Variants in DGCR2 observed in about 807,000 individuals in gnomAD.
DGCR2 encodes DiGeorge syndrome critical region gene 2, also known as integral membrane protein DGCR2/IDD.
In DGCR2, 24 loss-of-function variants were observed where a neutral mutation model predicts 51.6. The observed-to-expected ratio is 0.47, with a 90% confidence interval of 0.34 to 0.65. DGCR2 has a LOEUF of 0.65. Ranked by LOEUF, DGCR2 falls within the 30% of genes least tolerant of loss-of-function variation. The pLI is 0.01. For synonymous variants in DGCR2, 340 were observed against 315.4 expected, an observed-to-expected ratio of 1.08 and a Z score of -0.82; for missense variants, 765 against 772.1, an observed-to-expected ratio of 0.99 and a Z score of 0.11.
At chr22:19,116,530 G>A (rs902764303) in intron 1 of DGCR2, among the ~76,000 whole-genome samples, 12 of 152,132 alleles carry the variant, frequency 7.9e-5, no homozygotes, top group African/African-American at 2.2e-4. Flanking sequence ...CTGGTCTCTC[G>A]GGATTACCGA....
chr22:19,062,779 A>ATTCTTTCTCTCTCTCTCT, intron 5 of DGCR2, among the ~76,000 whole-genome samples: 2 of 127,354 alleles, frequency 1.6e-5, no homozygotes, highest in Admixed American at 7.8e-5. Context: ...ATGCATGCTC[A>ATTCTTTCTCTCTCTCTCT]CTCTCTCTCT....
intron 2 of DGCR2, among the ~76,000 whole-genome samples, chr22:19,073,801 A>G (rs1172633648): frequency 1.3e-5 from 2 of 152,236 alleles, no homozygotes; most frequent in East Asian, 3.8e-4. Context: ...CCTTTTCCAC[A>G]TAAGTGGGGC....
intron 2 of DGCR2, among the ~76,000 whole-genome samples, chr22:19,084,929 T>C (rs1349183433): frequency 6.6e-6 from 1 of 152,074 alleles, no homozygotes; most frequent in African/African-American, 2.4e-5. Flanking sequence ...CTGGGAGGTG[T>C]ACCCAACAGC....
intron 1 of DGCR2, among the ~76,000 whole-genome samples, chr22:19,106,538 G>A (rs1037556365): frequency 7.9e-5 from 12 of 152,204 alleles, no homozygotes; most frequent in African/African-American, 2.9e-4. Context: ...GGAGCCCAGA[G>A]GCCAGCCGGC....
At chr22:19,041,429 C>T (rs2521192) in intron 8 of DGCR2, 135 bp from the exon 9 acceptor site, 4 of 792,244 alleles carry the variant, frequency 5.0e-6, no homozygotes, top group East Asian at 5.4e-5. Context: ...GCCTACCCCT[C>T]GGCCACATTC....
At chr22:19,113,924 T>A (rs2083344811) in intron 1 of DGCR2, among the ~76,000 whole-genome samples, 1 of 152,000 alleles carries the variant, frequency 6.6e-6, no homozygotes, top group Non-Finnish European at 1.5e-5. Context: ...CCGGGCATGG[T>A]GGCAGACGCC....
chr22:19,040,470 C>T (rs1337827749), intron 9 of DGCR2, among the ~76,000 whole-genome samples: 1 of 152,194 alleles, frequency 6.6e-6, no homozygotes, highest in Non-Finnish European at 1.5e-5. Flanking sequence ...ACCTGCACTG[C>T]TCAACAGAGA....
intron 6 of DGCR2, 132 bp from the exon 7 acceptor site, chr22:19,048,775 G>A: frequency 1.2e-6 from 1 of 859,658 alleles, no homozygotes; most frequent in Non-Finnish European, 1.9e-6. Context: ...CTTAGAATGG[G>A]AAGGAGGCAG....
At chr22:19,080,489 C>G (rs1460230094) in intron 2 of DGCR2, among the ~76,000 whole-genome samples, 1 of 152,182 alleles carries the variant, frequency 6.6e-6, no homozygotes, top group Non-Finnish European at 1.5e-5. Context: ...GCACATCTTC[C>G]TTCAAAACAG....
chr22:19,075,739 T>C (rs756784517), intron 2 of DGCR2, among the ~76,000 whole-genome samples: 4 of 152,236 alleles, frequency 2.6e-5, no homozygotes, highest in Non-Finnish European at 5.9e-5. Context: ...AGTCCATCCA[T>C]GCTGTAGCAT....
intron 5 of DGCR2, 75 bp downstream of exon 5, chr22:19,063,127 G>A: frequency 7.1e-7 from 1 of 1,405,068 alleles, no homozygotes; most frequent in Non-Finnish European, 1.0e-6. Context: ...CACTGGGTAA[G>A]AGGGAGGAGG....
At chr22:19,078,375 T>C (rs776229575) in intron 2 of DGCR2, among the ~76,000 whole-genome samples, 6 of 152,384 alleles carry the variant, frequency 3.9e-5, no homozygotes, top group Non-Finnish European at 8.8e-5. Flanking sequence ...GCTGAGTTAG[T>C]GTACATAAAT....
chr22:19,083,672 T>G (rs1366091253), intron 2 of DGCR2, among the ~76,000 whole-genome samples: 1 of 146,970 alleles, frequency 6.8e-6, no homozygotes, highest in Non-Finnish European at 1.5e-5. Flanking sequence ...CAAAGATGGT[T>G]CCCCTCTCCC....
At chr22:19,045,472 T>C (rs1232926237) in intron 7 of DGCR2, 1 of 152,284 alleles carries the variant, frequency 6.6e-6, no homozygotes, top group Non-Finnish European at 1.5e-5. Context: ...GATACCACAC[T>C]GTTGTGATTA....
At position 19,057,055 on chromosome 22, in the gene DGCR2, G is replaced by A. The variant is rs369022238; in HGVS notation, c.733C>T (p.Arg245Trp). The A allele has an allele frequency of 1.2e-5, 19 of 1,598,818 alleles. No homozygotes were observed. Among genetic ancestry groups the A allele is most frequent in the Admixed American group, 1.8e-5 (1 of 57,112 alleles). ...QLQCFHFPTL[R>W]HHDLHSWHAE... ...TGCCAGCTGTGGAGGTCGTGGTGCC[G>A]CAGGGTGGGGAAATGGAAGCACTGA... The change falls in exon 6 of 10, where the codon CGG (arginine) becomes TGG (tryptophan). Residue 245 changes from arginine (R) to tryptophan (W), a missense_variant. Arg to Trp is a moderately radical substitution (Grantham distance 101). Coordinates refer to ENST00000263196, the MANE Select transcript of DGCR2 (RefSeq NM_005137.3). This position sits in a 1 kb window ranked among gnomAD's most constrained non-coding sequence, Gnocchi z 5.1.
intron 9 of DGCR2, among the ~76,000 whole-genome samples, chr22:19,040,022 T>G (rs575412199): frequency 2.0e-5 from 3 of 152,258 alleles, no homozygotes; most frequent in Middle Eastern, 3.4e-3. Flanking sequence ...TGCCTGCTTG[T>G]CATTACCATA....
intron 1 of DGCR2, among the ~76,000 whole-genome samples, chr22:19,112,419 G>GTAATACCAGCACTTTGGGAGGTGGA (rs1555911206): frequency 4.8e-5 from 7 of 146,514 alleles, no homozygotes; most frequent in East Asian, 2.0e-4. Flanking sequence ...TAATAAACAT[G>GTAATACCAGCACTTTGGGAGGTGGA]GTTTCAAATC....
At chr22:19,076,471 TCTA>T (rs769265206) in intron 2 of DGCR2, among the ~76,000 whole-genome samples, 4 of 151,754 alleles carry the variant, frequency 2.6e-5, no homozygotes, top group Non-Finnish European at 5.9e-5. Context: ...GGCAGGTAAT[TCTA>T]CTTTTAATTT....
In DGCR2 at chr22:19,052,567, G is replaced by A. The variant is rs150217475; in HGVS notation, c.803-3924C>T. Among the ~76,000 whole-genome samples the A allele has an allele frequency of 1.7e-3, 256 of 151,224 alleles. 5 individuals carry two copies. The South Asian group carries it at 0.018, about 10-fold the overall frequency. The stretch of plus-strand genomic sequence containing the variant: ...TGTCCTTCAACACTTGAGGCCTATA[G>A]TTTGAGACCAGCTTGGGCAACATAG... On this transcript the variant is annotated intron_variant, in intron 6 of 9. Transcript: ENST00000263196.
Sources: gnomAD v4.1 joint callset for allele counts (sites outside exome capture counted in the v4.1 genomes callset) on GRCh38, gnomAD v4.1.1 for gene constraint, Gnocchi (gnomAD v3.1) non-coding constraint, MANE v1.5 for transcripts, NCBI Gene and HGNC (gene_info 2026-07-23, HGNC 2026-07-21) for gene names.